Variants in ADCY5 observed in about 807,000 individuals in gnomAD.
ADCY5 encodes adenylate cyclase 5, also known as adenylate cyclase type 5.
ADCY5 carries 30 observed loss-of-function variants against 119.7 expected under a neutral mutation model. The observed-to-expected ratio is 0.25, with a 90% CI of 0.19 to 0.34. The LOEUF is 0.34. ADCY5 is among the 10% of genes least tolerant of loss of function. The pLI is 1.00. For missense variants in ADCY5, 1,324 were observed against 1,775.2 expected (o/e 0.75, Z 4.57); for synonymous variants, 753 against 762.2 (o/e 0.99, Z 0.20).
intron 1 of ADCY5, among the ~76,000 whole-genome samples, chr3:123,363,834 AG>A (rs1261454426): frequency 6.6e-6 from 1 of 152,152 alleles, no homozygotes; most frequent in African/African-American, 2.4e-5. Context: ...ACTTGAACCT[AG>A]GAAGTCAAGG....
At chr3:123,360,057 T>G in intron 1 of ADCY5, among the ~76,000 whole-genome samples, 1 of 141,438 alleles carries the variant, frequency 7.1e-6, no homozygotes, top group Non-Finnish European at 1.5e-5. Context: ...ATTAGGTGCT[T>G]AATGTTTTTT....
intron 1 of ADCY5, among the ~76,000 whole-genome samples, chr3:123,370,670 T>C (rs894866114): frequency 1.3e-5 from 2 of 152,230 alleles, no homozygotes; most frequent in Non-Finnish European, 2.9e-5. Flanking sequence ...GAGAAATAAA[T>C]TCCCATCTTC....
chr3:123,290,640 A>T (rs1939089068), intron 18 of ADCY5, among the ~76,000 whole-genome samples: 1 of 152,192 alleles, frequency 6.6e-6, no homozygotes, highest in South Asian at 2.1e-4. Flanking sequence ...TCAGGGCCTC[A>T]CATCTTTCTC....
chr3:123,377,325 T>G (rs1943871118), intron 1 of ADCY5, among the ~76,000 whole-genome samples: 1 of 152,184 alleles, frequency 6.6e-6, no homozygotes, highest in Non-Finnish European at 1.5e-5. Context: ...CTCCAGTCCC[T>G]GCTCCATCCT....
chr3:123,359,331 A>AATACATATATATATAT (rs1476687771), intron 1 of ADCY5, among the ~76,000 whole-genome samples: 2 of 109,766 alleles, frequency 1.8e-5, no homozygotes, highest in Admixed American at 1.0e-4. Flanking sequence ...CTTATACTAA[A>AATACATATATATATAT]ATATATATAT....
intron 1 of ADCY5, among the ~76,000 whole-genome samples, chr3:123,365,876 A>T (rs1008554325): frequency 5.3e-5 from 8 of 152,046 alleles, no homozygotes; most frequent in African/African-American, 1.9e-4. Context: ...AACTTGATTT[A>T]TCCAGAGGCA....
chr3:123,309,575 G>A (rs537266539), intron 12 of ADCY5, among the ~76,000 whole-genome samples: 22 of 152,326 alleles, frequency 1.4e-4, no homozygotes, highest in South Asian at 8.3e-4. Context: ...CTCAATAAAA[G>A]CTACCTTTGA....
At chr3:123,439,932 T>C (rs1267822571) in intron 1 of ADCY5, among the ~76,000 whole-genome samples, 2 of 152,230 alleles carry the variant, frequency 1.3e-5, no homozygotes, top group Non-Finnish European at 2.9e-5. Context: ...AGCTCTCTGT[T>C]TCTAAGAAGG....
intron 2 of ADCY5, among the ~76,000 whole-genome samples, chr3:123,351,341 C>T (rs761780284): frequency 8.5e-5 from 13 of 152,214 alleles, no homozygotes; most frequent in Non-Finnish European, 1.9e-4. Context: ...AGGGTGGCCA[C>T]AGCATGTGCT....
intron 1 of ADCY5, among the ~76,000 whole-genome samples, chr3:123,436,078 G>C (rs1945609610): frequency 1.3e-5 from 2 of 151,086 alleles, no homozygotes; most frequent in Non-Finnish European, 2.9e-5. Context: ...TTTTAGTAGA[G>C]ACGGGGTTTT....
In ADCY5 at chr3:123,338,701, C is replaced by A. The variant is rs75905264; in HGVS notation, c.1407-6026G>T. 9.0e-3 allele frequency among the ~76,000 whole-genome samples: 1,370 copies of A among 152,374 alleles called. 14 individuals are homozygous for A. Among genetic ancestry groups the A allele is most frequent in the African/African-American group, 0.031 (1,269 of 41,592 alleles). ...TTGCCTGCCATCCATCACTCACAGTCTCCTGCATTCTATTCCAGGGGCAAG... is the reference window on the plus strand; with the variant it reads ...TTGCCTGCCATCCATCACTCACAGTATCCTGCATTCTATTCCAGGGGCAAG... On this transcript the variant is annotated intron_variant, in intron 3 of 20. Transcript: ENST00000462833.
At chr3:123,361,981 C>G (rs554954817) in intron 1 of ADCY5, among the ~76,000 whole-genome samples, 1 of 152,292 alleles carries the variant, frequency 6.6e-6, no homozygotes, top group East Asian at 1.9e-4. Flanking sequence ...TCAGGATGCT[C>G]TCTACCTGTA....
chr3:123,298,062 C>T (rs2108236231), intron 15 of ADCY5, among the ~76,000 whole-genome samples: 1 of 152,214 alleles, frequency 6.6e-6, no homozygotes, highest in South Asian at 2.1e-4. Flanking sequence ...TGCAGTGGTG[C>T]AATCTCGGCT....
chr3:123,347,737 C>T, intron 3 of ADCY5, 45 bp downstream of exon 3: 1 of 1,610,740 alleles, frequency 6.2e-7, no homozygotes, highest in Non-Finnish European at 8.5e-7. Flanking sequence ...CACAGGGGTC[C>T]AGCTCTCCCT....
At chr3:123,357,570 C>A (rs1943085035) in intron 1 of ADCY5, among the ~76,000 whole-genome samples, 1 of 152,182 alleles carries the variant, frequency 6.6e-6, no homozygotes, top group Non-Finnish European at 1.5e-5. Context: ...TGGTGTTCAT[C>A]TCTCTTTCAC....
chr3:123,416,293 T>C, intron 1 of ADCY5: 3 of 1,535,912 alleles, frequency 2.0e-6, no homozygotes, highest in Non-Finnish European at 2.6e-6. Context: ...TCCAGACGCT[T>C]CCCCAAAAAG....
intron 1 of ADCY5, among the ~76,000 whole-genome samples, chr3:123,383,419 A>G (rs1012144092): frequency 2.6e-5 from 4 of 152,180 alleles, no homozygotes; most frequent in Admixed American, 6.5e-5. Flanking sequence ...CTCTCCACTC[A>G]TGGCTTTATG....
At chr3:123,319,389 A>G (rs1941095925) in intron 10 of ADCY5, among the ~76,000 whole-genome samples, 1 of 151,896 alleles carries the variant, frequency 6.6e-6, no homozygotes, top group Non-Finnish European at 1.5e-5. Context: ...AAAAAAAAAG[A>G]AACTCATTTC....
At chr3:123,284,974 G>C (rs1233568746) in intron 20 of ADCY5, among the ~76,000 whole-genome samples, 1 of 152,238 alleles carries the variant, frequency 6.6e-6, no homozygotes, top group Non-Finnish European at 1.5e-5. Context: ...GCCAGGCACT[G>C]TGACGGGCAG....
Sources: allele counts gnomAD v4.1 joint callset (sites outside exome capture counted in the v4.1 genomes callset), GRCh38; gene constraint gnomAD v4.1.1; transcripts MANE v1.5; gene names NCBI Gene and HGNC (gene_info 2026-07-23, HGNC 2026-07-21).